FAAH2: variants seen among roughly 807,000 people sequenced by gnomAD.
FAAH2 encodes fatty acid amide hydrolase 2, also known as fatty-acid amide hydrolase 2.
A neutral mutation model predicts 36.9 loss-of-function variants in FAAH2; 60 were observed. The ratio of observed to expected loss-of-function variants is 1.63; its 90% CI spans 1.32 to 2.02. The LOEUF is 2.02. Ranked by LOEUF, FAAH2 falls within the 30% of genes most tolerant of loss-of-function variation. The probability of loss-of-function intolerance (pLI) is 0.00; values close to 1 mark genes in which losing one functional copy is unlikely to be tolerated. For missense variants in FAAH2, 689 were observed against 397.5 expected (o/e 1.73, Z -6.23); for synonymous variants, 214 against 143.8 (o/e 1.49, Z -3.49).
At chrX:57,270,549 C>T in the FAAH2 span, among the ~76,000 whole-genome samples, 349 of 111,735 alleles carry the variant, frequency 3.1e-3, 1 homozygote, top group Middle Eastern at 0.014. Flanking sequence ...TTCAAGATGG[C>T]CTAATAGGAA....
chrX:57,381,171 G>T, intron 7 of FAAH2, 142 bp downstream of exon 7: 1 of 399,296 alleles, frequency 2.5e-6, no homozygotes, highest in Non-Finnish European at 4.3e-6. Flanking sequence ...AAGGAATTTT[G>T]GATGTAATTT....
chrX:57,388,877 G>A (rs1271764387), intron 7 of FAAH2, among the ~76,000 whole-genome samples: 1 of 109,740 alleles, frequency 9.1e-6, no homozygotes, highest in Non-Finnish European at 1.9e-5. Context: ...TTTTATACTT[G>A]CTTCTTTCAC....
At chrX:57,346,657 T>A (rs2053829358) in intron 5 of FAAH2, among the ~76,000 whole-genome samples, 1 of 111,548 alleles carries the variant, frequency 9.0e-6, no homozygotes, top group South Asian at 3.7e-4. Flanking sequence ...TAGACTTCAT[T>A]GTGTAATTGC....
At chrX:57,467,291 G>A (rs1280098256) in intron 10 of FAAH2, among the ~76,000 whole-genome samples, 3 of 111,052 alleles carry the variant, frequency 2.7e-5, no homozygotes, top group African/African-American at 6.5e-5. Context: ...GTGAGCCAAA[G>A]CAGGGCAAGG....
chrX:57,236,467 A>C, the FAAH2 span, among the ~76,000 whole-genome samples: 4 of 112,268 alleles, frequency 3.6e-5, no homozygotes, highest in Non-Finnish European at 1.9e-5. Flanking sequence ...AGTAGTGTAC[A>C]ATAGTTTCCT....
intron 8 of FAAH2, among the ~76,000 whole-genome samples, chrX:57,438,223 CAGTATAT>C (rs1376518813): frequency 5.2e-4 from 46 of 87,744 alleles, no homozygotes; most frequent in Non-Finnish European, 8.3e-4. Flanking sequence ...ATATATATAT[CAGTATAT>C]ATATCAGTAT....
At chrX:57,280,277 A>C in the FAAH2 span, among the ~76,000 whole-genome samples, 1 of 111,052 alleles carries the variant, frequency 9.0e-6, no homozygotes, top group Admixed American at 9.7e-5. Context: ...AGAATCTGAA[A>C]TATCAAAAAA....
At chrX:57,430,859 G>A (rs773370054) in intron 7 of FAAH2, among the ~76,000 whole-genome samples, 35 of 111,741 alleles carry the variant, frequency 3.1e-4, no homozygotes, top group African/African-American at 9.4e-4. Context: ...TTTATTTCTC[G>A]TAATTGTGGC....
chrX:57,439,357 G>A (rs2056491737), intron 8 of FAAH2, among the ~76,000 whole-genome samples: 2 of 111,889 alleles, frequency 1.8e-5, no homozygotes, highest in African/African-American at 6.5e-5. Context: ...GGCCAGTGAT[G>A]ATGAGCATTT....
chrX:57,122,498 A>C, the FAAH2 span, among the ~76,000 whole-genome samples: 1 of 112,619 alleles, frequency 8.9e-6, no homozygotes, highest in Non-Finnish European at 1.9e-5. Context: ...CTTTATAAGA[A>C]ATAATTAAAG....
the FAAH2 span, among the ~76,000 whole-genome samples, chrX:57,122,381 A>T: frequency 2.1e-4 from 23 of 111,943 alleles, no homozygotes; most frequent in Admixed American, 1.2e-3. Context: ...TTTTAAAGTG[A>T]TTTATAATTT....
chrX:57,131,771 A>G, the FAAH2 span, among the ~76,000 whole-genome samples: 3 of 112,370 alleles, frequency 2.7e-5, no homozygotes, highest in African/African-American at 9.7e-5. Context: ...ACCAATCATT[A>G]CTTACCAAAA....
intron 7 of FAAH2, among the ~76,000 whole-genome samples, chrX:57,398,531 ATGT>A (rs1457253438): frequency 9.1e-6 from 1 of 110,307 alleles, no homozygotes; most frequent in Non-Finnish European, 1.9e-5. Flanking sequence ...TTTCTTGAAG[ATGT>A]TGTTCATTTA....
intron 7 of FAAH2, chrX:57,393,213 C>T (rs1377442808): frequency 8.3e-7 from 1 of 1,200,029 alleles, no homozygotes; most frequent in Non-Finnish European, 1.1e-6. Context: ...AACATTCTGG[C>T]ATTTTCAGTT....
intron 7 of FAAH2, among the ~76,000 whole-genome samples, chrX:57,431,526 C>T (rs772249774): frequency 9.0e-6 from 1 of 111,349 alleles, no homozygotes; most frequent in African/African-American, 3.3e-5. Flanking sequence ...CCCAGAGAAG[C>T]TAGAACTTTA....
In FAAH2 at chrX:57,396,384, T is replaced by C. The variant is rs781028969; in HGVS notation, c.996+15355T>C. On this transcript the variant is annotated intron_variant, in intron 7 of 10. Transcript: ENST00000374900. ...TAGCTTTAGGTTTAGTGTTTTTTTTTTTTTTTTCTTGTTTTTCTACTTCCT... is the reference window on the plus strand; with the variant it reads ...TAGCTTTAGGTTTAGTGTTTTTTTTCTTTTTTTCTTGTTTTTCTACTTCCT... 2.8e-3 allele frequency among the ~76,000 whole-genome samples: 303 copies of C among 109,242 alleles called. 8 individuals carry two copies. The highest frequency in any genetic ancestry group is 0.012 in the South Asian group (32 of 2,565). The allele number at this position is 109,242 out of a possible 115,157, so 94.9% of individuals were successfully genotyped here. A position where few individuals can be genotyped will look rare whatever the true frequency, so the allele number is the denominator to read the frequency against.
chrX:57,203,427 G>T, the FAAH2 span, among the ~76,000 whole-genome samples: 13 of 111,884 alleles, frequency 1.2e-4, no homozygotes, highest in South Asian at 4.2e-3. Flanking sequence ...TTCAGCGTGG[G>T]TGTCATGGCC....
chrX:57,263,729 T>C, the FAAH2 span, among the ~76,000 whole-genome samples: 1 of 111,782 alleles, frequency 8.9e-6, no homozygotes, highest in Non-Finnish European at 1.9e-5. Flanking sequence ...CTGTCTATTA[T>C]ACCTAAATAA....
chrX:57,467,972 A>T (rs139676294), intron 10 of FAAH2, among the ~76,000 whole-genome samples: 6 of 112,032 alleles, frequency 5.4e-5, no homozygotes, highest in Non-Finnish European at 9.4e-5. Context: ...TTCGTTGCTG[A>T]TACCAAGGCA....
Sources: allele counts gnomAD v4.1 joint callset (sites outside exome capture counted in the v4.1 genomes callset), GRCh38; gene constraint gnomAD v4.1.1; transcripts MANE v1.5; gene names NCBI Gene and HGNC (gene_info 2026-07-23, HGNC 2026-07-21).